MAGI2: variants seen among roughly 807,000 people sequenced by gnomAD.
MAGI2 encodes the protein membrane-associated guanylate kinase, WW and PDZ domain-containing protein 2.
In MAGI2, 35 loss-of-function variants were observed where a neutral mutation model predicts 133.3. The observed-to-expected ratio is 0.26, with a 90% CI of 0.20 to 0.35. The LOEUF (loss-of-function observed/expected upper bound fraction) is 0.35, where lower values mean the gene tolerates loss of function less well. MAGI2 is among the 10% of genes least tolerant of loss of function. MAGI2 has a pLI of 1.00. For synonymous variants in MAGI2, 729 were observed against 710.6 expected (o/e 1.03, Z -0.41); for missense variants, 1,636 against 1,863.4 (o/e 0.88, Z 2.25).
chr7:79,084,763 C>A (rs1234379446), intron 1 of MAGI2, among the ~76,000 whole-genome samples: 1 of 151,696 alleles, frequency 6.6e-6, no homozygotes, highest in Admixed American at 6.6e-5. Flanking sequence ...CTGTTGAATT[C>A]TTATTCTGAT....
chr7:78,907,564 C>G, intron 2 of MAGI2, among the ~76,000 whole-genome samples: 1 of 152,104 alleles, frequency 6.6e-6, no homozygotes, highest in African/African-American at 2.4e-5. Context: ...ACCTTGTTGA[C>G]TTTTGTATAC....
rs1793430871 is a variant in MAGI2 at position 78,489,824 on chromosome 7, T to A, written c.982A>T (p.Thr328Ser). Residue 328 changes from threonine to serine, a missense_variant, in exon 6 of 22, where the codon ACA becomes TCA. By Grantham distance (58) the Thr-to-Ser change is moderately conservative (BLOSUM62 1). Transcript: ENST00000354212. Reference sequence around the variant, plus strand: ...GCAAGTCGTGGATCCAGCCATGATGTTGTCTTTGTGTTATGGCTGAAAAGA... The same window carrying A: ...GCAAGTCGTGGATCCAGCCATGATGATGTCTTTGTGTTATGGCTGAAAAGA... ...VYFIDHNTKTTSWLDPRLAKK... is the reference protein window; with the variant it reads ...VYFIDHNTKTSSWLDPRLAKK... 1 of 1,612,762 alleles carries A rather than the reference T, an allele frequency of 6.2e-7. No individual in the cohort carries two copies. Among genetic ancestry groups the A allele is most frequent in the Admixed American group, 1.7e-5 (1 of 59,874 alleles).
In MAGI2 at chr7:78,090,340, T is replaced by C. The variant is rs188429573; in HGVS notation, c.3568-11255A>G. On this transcript the variant is annotated intron_variant, in intron 20 of 21. Coordinates refer to ENST00000354212, the MANE Select transcript of MAGI2 (RefSeq NM_012301.4). ...CTCTTGGAAAGAGGGAGTGTATCTT[T>C]GTATCTTCTAGTAGTAGCTGGTGCA... is the stretch of plus-strand genomic sequence containing the variant. Among the ~76,000 whole-genome samples, 210 of 152,364 alleles carry C rather than the reference T, an allele frequency of 1.4e-3. 1 individual carries two copies. The highest frequency in any genetic ancestry group is 4.8e-3 in the African/African-American group (199 of 41,586).
At chr7:79,387,451 C>A (rs564668517) in intron 1 of MAGI2, among the ~76,000 whole-genome samples, 1 of 151,970 alleles carries the variant, frequency 6.6e-6, no homozygotes, top group Non-Finnish European at 1.5e-5. Context: ...AACACTACCA[C>A]GAAAGTAACA....
intron 2 of MAGI2, among the ~76,000 whole-genome samples, chr7:78,718,808 C>T (rs1168252628): frequency 6.6e-6 from 1 of 152,136 alleles, no homozygotes; most frequent in Non-Finnish European, 1.5e-5. Context: ...AAATTGTCTT[C>T]CATGAAACCA....
intron 2 of MAGI2, among the ~76,000 whole-genome samples, chr7:78,888,018 G>A (rs960585080): frequency 1.3e-5 from 2 of 152,142 alleles, no homozygotes; most frequent in Non-Finnish European, 1.5e-5. Context: ...GGAAAATTGG[G>A]TCACTCTCAC....
intron 9 of MAGI2, among the ~76,000 whole-genome samples, chr7:78,333,926 A>G (rs1789491325): frequency 1.3e-5 from 2 of 152,218 alleles, no homozygotes; most frequent in African/African-American, 4.8e-5. Context: ...ATAGTTTGTT[A>G]GGCAGCAATA....
At chr7:79,040,283 T>C (rs1811535414) in intron 1 of MAGI2, among the ~76,000 whole-genome samples, 1 of 152,034 alleles carries the variant, frequency 6.6e-6, no homozygotes. Flanking sequence ...CATGACTGTG[T>C]TTCCGGAGGC....
chr7:78,747,506 G>A (rs985253366), intron 2 of MAGI2, among the ~76,000 whole-genome samples: 13 of 151,988 alleles, frequency 8.6e-5, no homozygotes, highest in African/African-American at 3.1e-4. Flanking sequence ...CCAATTGCAA[G>A]CATAGTCGAC....
At chr7:78,571,969 A>G (rs1056469191) in intron 3 of MAGI2, among the ~76,000 whole-genome samples, 3 of 152,200 alleles carry the variant, frequency 2.0e-5, no homozygotes, top group African/African-American at 7.2e-5. Context: ...CCTGGCACGC[A>G]GGACTTACCA....
intron 10 of MAGI2, among the ~76,000 whole-genome samples, chr7:78,201,716 T>G (rs971422125): frequency 1.3e-5 from 2 of 152,194 alleles, no homozygotes; most frequent in East Asian, 3.9e-4. Context: ...TTTTTGTGAG[T>G]GTTTCTCCAC....
intron 21 of MAGI2, among the ~76,000 whole-genome samples, chr7:78,077,469 A>C (rs1815448494): frequency 1.3e-5 from 2 of 149,472 alleles, no homozygotes; most frequent in African/African-American, 4.9e-5. Flanking sequence ...ATCTGGAATG[A>C]AATGTTTCCT....
intron 3 of MAGI2, among the ~76,000 whole-genome samples, chr7:78,583,915 T>C (rs2150819088): frequency 6.6e-6 from 1 of 152,250 alleles, no homozygotes; most frequent in Admixed American, 6.5e-5. Context: ...ATGGAGACAA[T>C]TTCACCTTCT....
At chr7:78,315,783 T>C (rs530362912) in intron 9 of MAGI2, among the ~76,000 whole-genome samples, 2 of 152,242 alleles carry the variant, frequency 1.3e-5, no homozygotes, top group South Asian at 4.1e-4. Context: ...ATTTCTATTT[T>C]ATAGGTAGTA....
chr7:79,088,674 G>A (rs1178676705), intron 1 of MAGI2, among the ~76,000 whole-genome samples: 1 of 152,030 alleles, frequency 6.6e-6, no homozygotes, highest in Non-Finnish European at 1.5e-5. Context: ...ATTATTTTGA[G>A]ATATGTTCCA....
chr7:78,318,302 A>G (rs1244972471), intron 9 of MAGI2, among the ~76,000 whole-genome samples: 1 of 152,254 alleles, frequency 6.6e-6, no homozygotes, highest in Non-Finnish European at 1.5e-5. Flanking sequence ...GCTGAAAAAC[A>G]CAGCAAGAGA....
At chr7:78,574,783 T>C (rs1385993580) in intron 3 of MAGI2, among the ~76,000 whole-genome samples, 1 of 152,230 alleles carries the variant, frequency 6.6e-6, no homozygotes, top group Admixed American at 6.5e-5. Context: ...ACACGTTGAT[T>C]ACAGGAAGGT....
chr7:78,837,384 C>T (rs529318752), intron 2 of MAGI2, among the ~76,000 whole-genome samples: 2 of 152,214 alleles, frequency 1.3e-5, no homozygotes, highest in African/African-American at 4.8e-5. Context: ...CATGTGTTGA[C>T]ATGCTCTTTA....
At chr7:78,585,063 G>A (rs1465359666) in intron 3 of MAGI2, among the ~76,000 whole-genome samples, 1 of 152,126 alleles carries the variant, frequency 6.6e-6, no homozygotes, top group Non-Finnish European at 1.5e-5. Context: ...TTTCACATAG[G>A]ATAAAAGGGG....
Sources: allele counts gnomAD v4.1 joint callset (sites outside exome capture counted in the v4.1 genomes callset), GRCh38; gene constraint gnomAD v4.1.1; transcripts MANE v1.5; gene names NCBI Gene and HGNC (gene_info 2026-07-23, HGNC 2026-07-21).